Variants in PPCS observed in about 807,000 individuals in gnomAD.
PPCS encodes phosphopantothenate--cysteine ligase.
A neutral mutation model predicts 24.6 loss-of-function variants in PPCS; 17 were observed. That is an observed-to-expected ratio of 0.69 (90% CI 0.47 to 1.04). The LOEUF is 1.04. Among genes scored for constraint, PPCS ranks in the 50% least tolerant of loss-of-function variants. PPCS has a pLI of 0.00. For missense variants in PPCS, 360 were observed against 402.8 expected (o/e 0.89, Z 0.91); for synonymous variants, 190 against 168.3 (o/e 1.13, Z -1.00).
At position 42,460,785 on chromosome 1, in the gene PPCS, C is replaced by T. The variant is rs1290831660; in HGVS notation, c.*859C>T. Among the ~76,000 whole-genome samples the T allele has an allele frequency of 1.3e-5, 2 of 152,200 alleles. No individual in the cohort carries two copies. The highest frequency in any genetic ancestry group is 3.8e-4 in the East Asian group (2 of 5,200). ...CATGCATAAAATGAGGATAATCTCT[C>T]TGCAAAGTAATGCCATTTATTGTGA... is the stretch of plus-strand genomic sequence containing the variant. On this transcript the variant is annotated 3_prime_UTR_variant, in exon 3 of 3. Transcript: ENST00000372561.
intron 2 of PPCS, among the ~76,000 whole-genome samples, chr1:42,469,785 T>C (rs1291193503): frequency 6.6e-6 from 1 of 152,162 alleles, no homozygotes; most frequent in Non-Finnish European, 1.5e-5. Flanking sequence ...ACCTTTGTTT[T>C]ACTAGTTCTC....
At chr1:42,465,732 C>T (rs12068140), downstream of PPCS, among the ~76,000 whole-genome samples, 182 of 152,244 alleles carry the variant, frequency 1.2e-3, 2 homozygotes, top group African/African-American at 4.2e-3. Context: ...TGGCAATGTA[C>T]GTAAGCATTT....
chr1:42,457,646 G>C, intron 2 of PPCS: 1 of 395,948 alleles, frequency 2.5e-6, no homozygotes. Context: ...GAGATGAATT[G>C]AACTGGGTTT....
rs1643240582 is a variant in PPCS at position 42,457,256 on chromosome 1, C to T, written c.518C>T (p.Ala173Val). Residue 173 changes from alanine (A) to valine (V), a missense_variant, in exon 2 of 3, where the codon GCG becomes GTG. Physicochemically the swap from Ala to Val is moderately conservative, Grantham distance 64. Coordinates refer to ENST00000372561, the MANE Select transcript of PPCS (RefSeq NM_024664.4). ...AQALNPLGPS[A>V]MFYLAAAVSD... ...GTGTTTCTCTTTGCAGGCCCTTCTG[C>T]GATGTTTTACCTGGCTGCGGCTGTG... The T allele has an allele frequency of 6.2e-7, 1 of 1,613,928 alleles. No individual in the cohort carries two copies. Among genetic ancestry groups the T allele is most frequent in the Non-Finnish European group, 8.5e-7 (1 of 1,179,998 alleles).
chr1:42,458,874 A>T (rs1643319472), intron 2 of PPCS, among the ~76,000 whole-genome samples: 2 of 152,276 alleles, frequency 1.3e-5, no homozygotes, highest in South Asian at 4.1e-4. Context: ...CAATTTAAAA[A>T]TGGAATCTAA....
chr1:42,456,565 G>A lies in PPCS; in HGVS notation c.-1G>A, dbSNP rs762368054. ...CGCAGGCGCCGGCCGCTGCGCTGCAGATGGCGGAAATGGATCCGGTAGCCG... is the reference window on the plus strand; with the variant it reads ...CGCAGGCGCCGGCCGCTGCGCTGCAAATGGCGGAAATGGATCCGGTAGCCG... On this transcript the variant is annotated 5_prime_UTR_variant, in exon 1 of 3. Coordinates refer to ENST00000372561, the MANE Select transcript of PPCS (RefSeq NM_024664.4). 2.0e-6 allele frequency: 3 copies of A among 1,475,130 alleles called. No individual in the cohort carries two copies. Among genetic ancestry groups the A allele is most frequent in the Non-Finnish European group, 1.8e-6 (2 of 1,115,420 alleles). The allele number at this position is 1,475,130 out of a possible 1,614,324, so 91.4% of individuals were successfully genotyped here. A position where few individuals can be genotyped will look rare whatever the true frequency, so the allele number is the denominator to read the frequency against.
In PPCS at chr1:42,460,150, A is replaced by G. The variant is rs1289003570; in HGVS notation, c.*224A>G. On this transcript the variant is annotated 3_prime_UTR_variant, in exon 3 of 3. Transcript: ENST00000372561. ...AGAACTGTTAATCACCTTTAAAAAG[A>G]AGAGCTTATTGGGAATTATATATTC... The G allele has an allele frequency of 1.6e-6, 2 of 1,267,912 alleles. No individual in the cohort carries two copies. The highest frequency in any genetic ancestry group is 2.0e-6 in the Non-Finnish European group (2 of 1,007,682). The allele number at this position is 1,267,912 out of a possible 1,614,324, so 78.5% of individuals were successfully genotyped here.
chr1:42,465,710 C>T (rs984764459), downstream of PPCS, among the ~76,000 whole-genome samples: 1 of 152,152 alleles, frequency 6.6e-6, no homozygotes, highest in Admixed American at 6.5e-5. Flanking sequence ...GTTTTGCCCC[C>T]TGTGAGACAT....
rs934650827 is a variant in PPCS at position 42,456,550 on chromosome 1, G to C, written c.-16G>C. 6.9e-6 allele frequency: 10 copies of C among 1,453,512 alleles called. 1 individual carries two copies. The East Asian group carries it at 1.8e-4, about 26-fold the overall frequency. The allele number at this position is 1,453,512 out of a possible 1,614,324, so 90.0% of individuals were successfully genotyped here. ...CGGCCGCGAAACGTGCGCAGGCGCCGGCCGCTGCGCTGCAGATGGCGGAAA... is the reference window on the plus strand; with the variant it reads ...CGGCCGCGAAACGTGCGCAGGCGCCCGCCGCTGCGCTGCAGATGGCGGAAA... On this transcript the variant is annotated 5_prime_UTR_variant, in exon 1 of 3. Transcript: ENST00000372561.
chr1:42,456,891 G>A lies in PPCS; in HGVS notation c.326G>A (p.Gly109Asp), dbSNP rs757632507. Residue 109 changes from glycine to aspartate, a missense_variant, in exon 1 of 3, where the codon GGC (glycine) becomes GAC (aspartate). Physicochemically the swap from Gly to Asp is moderately conservative, Grantham distance 94. This residue lies in a region of PPCS where 244 missense variants were observed against 234.7 expected (regional missense o/e 1.04). Transcript: ENST00000372561. Reference sequence around the variant, plus strand: ...TGGCTGTCCGCTCTGCGGCCTTCGGGCCCAGCCCTTTCGGGCTTGCTGAGC... The same window carrying A: ...TGGCTGTCCGCTCTGCGGCCTTCGGACCCAGCCCTTTCGGGCTTGCTGAGC... ...QTWLSALRPS[G>D]PALSGLLSLE... 2.5e-6 allele frequency: 4 copies of A among 1,612,558 alleles called. No homozygotes were observed. Among genetic ancestry groups the A allele is most frequent in the Non-Finnish European group, 3.4e-6 (4 of 1,179,884 alleles).
chr1:42,469,192 A>G (rs1643685635), intron 2 of PPCS, among the ~76,000 whole-genome samples: 1 of 152,132 alleles, frequency 6.6e-6, no homozygotes, highest in Non-Finnish European at 1.5e-5. Flanking sequence ...CAGCCTGGGC[A>G]ACATATAAGA....
At chr1:42,462,985 C>G (rs1406910597), downstream of PPCS, among the ~76,000 whole-genome samples, 1 of 152,190 alleles carries the variant, frequency 6.6e-6, no homozygotes, top group African/African-American at 2.4e-5. Flanking sequence ...GGTTAGTAGG[C>G]AGGGGCTCCA....
At chr1:42,466,666 C>T (rs1643597755) in intron 2 of PPCS, among the ~76,000 whole-genome samples, 1 of 151,806 alleles carries the variant, frequency 6.6e-6, no homozygotes, top group Admixed American at 6.6e-5. Flanking sequence ...ATTCTCCTGC[C>T]TCAGCCTCCT....
At position 42,460,242 on chromosome 1, in the gene PPCS, A is replaced by G. The variant is rs533291250; in HGVS notation, c.*316A>G. 1.8e-5 allele frequency: 19 copies of G among 1,043,130 alleles called. No individual in the cohort carries two copies. The East Asian group carries it at 6.1e-4, about 34-fold the overall frequency. 64.6% of individuals were successfully genotyped at this position (1,043,130 alleles called of 1,614,324 possible). A position where few individuals can be genotyped will look rare whatever the true frequency, so the allele number is the denominator to read the frequency against. ...ACTATAGAAAAAGGATTATGGATGCATGAATGGTCATGCTTTGGAGATCAA... is the reference window on the plus strand; with the variant it reads ...ACTATAGAAAAAGGATTATGGATGCGTGAATGGTCATGCTTTGGAGATCAA... On this transcript the variant is annotated 3_prime_UTR_variant, in exon 3 of 3. Coordinates refer to ENST00000372561, the MANE Select transcript of PPCS (RefSeq NM_024664.4).
upstream of PPCS, chr1:42,456,529 C>G: frequency 1.4e-6 from 2 of 1,440,316 alleles, no homozygotes; most frequent in Admixed American, 3.1e-5. Flanking sequence ...GCGCGGCGGC[C>G]GCGAAACGTG....
At chr1:42,470,744 T>C (rs1277973120) in intron 2 of PPCS, among the ~76,000 whole-genome samples, 1 of 152,146 alleles carries the variant, frequency 6.6e-6, no homozygotes, top group Non-Finnish European at 1.5e-5. Context: ...ATGAGTTGTA[T>C]AAAATAGGCA....
chr1:42,463,459 A>C (rs2275117), downstream of PPCS: 61,347 of 152,040 alleles, frequency 0.4, 13,030 homozygotes, highest in East Asian at 0.59. Flanking sequence ...TTTCCGCATT[A>C]CGGGCCTTTT....
chr1:42,461,694 C>T (rs1643417183), downstream of PPCS, among the ~76,000 whole-genome samples: 1 of 151,988 alleles, frequency 6.6e-6, no homozygotes, highest in Non-Finnish European at 1.5e-5. Context: ...CTACAGGCGC[C>T]CGCCACCACG....
In PPCS at chr1:42,456,985, T is replaced by A. The variant is rs762093573; in HGVS notation, c.420T>A (p.Ala140=). 6 of 1,602,842 alleles carry A rather than the reference T, an allele frequency of 3.7e-6. No homozygotes were observed. Among genetic ancestry groups the A allele is most frequent in the Non-Finnish European group, 5.1e-6 (6 of 1,179,960 alleles). ...EALRSYQEAA[A]AGTFLAVEFT... ...TGAGGAGCTACCAGGAGGCTGCGGC[T>A]GCAGGCACCTTCCTGGCAGTAGAGT... The change falls in exon 1 of 3, where the codon GCT becomes GCA. Residue 140 remains alanine, a synonymous_variant. Transcript: ENST00000372561.
Sources: allele counts gnomAD v4.1 joint callset (sites outside exome capture counted in the v4.1 genomes callset), GRCh38; gene constraint gnomAD v4.1.1; regional missense constraint gnomAD v4.1.1; transcripts MANE v1.5; gene names NCBI Gene and HGNC (gene_info 2026-07-23, HGNC 2026-07-21).